The following SAGE1 variants were observed in gnomAD, a reference collection of about 807,000 sequenced individuals.
SAGE1 encodes sarcoma antigen 1, also known as cancer/testis antigen 14.
A neutral mutation model predicts 55.4 loss-of-function variants in SAGE1; 55 were observed. The observed-to-expected ratio is 0.99, with a 90% confidence interval of 0.80 to 1.24. The LOEUF is 1.24. Among genes scored for constraint, SAGE1 ranks in the 50% most tolerant of loss-of-function variants. The pLI is 0.00. For synonymous variants in SAGE1, 240 were observed against 244.3 expected, an observed-to-expected ratio of 0.98 and a Z score of 0.17; for missense variants, 710 against 704.4, an observed-to-expected ratio of 1.01 and a Z score of -0.09.
chrX:135,907,626 G>T, intron 9 of SAGE1, 75 bp from the exon 10 acceptor site: 1 of 1,091,643 alleles, frequency 9.2e-7, no homozygotes, highest in Non-Finnish European at 1.2e-6. Context: ...TAGACCCTGA[G>T]CATCAGAGGG....
chrX:135,912,091 A>C, intron 18 of SAGE1, 138 bp downstream of exon 18: 2 of 1,104,125 alleles, frequency 1.8e-6, no homozygotes, highest in East Asian at 6.5e-5. Context: ...GCTTTACTTT[A>C]ATTTCACTGA....
chrX:135,898,262 G>A (rs781939566), intron 2 of SAGE1, among the ~76,000 whole-genome samples: 5 of 110,794 alleles, frequency 4.5e-5, no homozygotes, highest in Admixed American at 9.5e-5. Context: ...CTCGTGATCC[G>A]CCCGCCTTGG....
At position 135,896,296 on chromosome X, in the gene SAGE1, T is replaced by C. The variant is rs782523936; in HGVS notation, c.54T>C (p.His18=). Residue 18 remains histidine, a synonymous_variant, in exon 2 of 20, where the codon CAT becomes CAC. Transcript: ENST00000370709. The part of the protein sequence containing the change: ...TSQPTPPEEL[H]AAAYVFTNDG... ...AACCAACTCCACCTGAAGAACTTCA[T>C]GCTGCTGCCTATGTGTTTACAAATG... 3.2e-5 allele frequency: 39 copies of C among 1,205,864 alleles called. No individual in the cohort carries two copies. The highest frequency in any genetic ancestry group is 2.7e-4 in the Middle Eastern group (1 of 3,709).
intron 3 of SAGE1, among the ~76,000 whole-genome samples, chrX:135,903,731 G>A (rs1440212320): frequency 8.9e-6 from 1 of 111,789 alleles, no homozygotes; most frequent in African/African-American, 3.3e-5. Context: ...TGCACAGCAT[G>A]GCATTTATAG....
rs143493028 is a variant in SAGE1 at position 135,899,747 on chromosome X, T to C, written c.88-1812T>C. ...CATATTCCTAGGTAATTTATTCTTT[T>C]TGTAGGAATTGTTAATGGGAGTTCA... On this transcript the variant is annotated intron_variant, in intron 2 of 19. Transcript: ENST00000370709. 1.3e-4 allele frequency among the ~76,000 whole-genome samples: 14 copies of C among 110,521 alleles called. No homozygotes were observed. The East Asian group carries it at 4.0e-3, about 31-fold the overall frequency.
intron 3 of SAGE1, 118 bp downstream of exon 3, chrX:135,901,809 G>A: frequency 1.4e-6 from 1 of 706,799 alleles, no homozygotes; most frequent in Non-Finnish European, 2.1e-6. Context: ...TTCTAATTAG[G>A]TGCAACAATT....
chrX:135,909,345 A>G (rs1281260889), intron 13 of SAGE1, among the ~76,000 whole-genome samples: 1 of 112,221 alleles, frequency 8.9e-6, no homozygotes, highest in Non-Finnish European at 1.9e-5. Flanking sequence ...AGCAGGGCTT[A>G]TGAATGTCAC....
chrX:135,900,735 G>A (rs1458622690), intron 2 of SAGE1, among the ~76,000 whole-genome samples: 3 of 93,890 alleles, frequency 3.2e-5, no homozygotes, highest in Non-Finnish European at 4.2e-5. Flanking sequence ...TCAACATATC[G>A]GAATCTCCAT....
At position 135,893,750 on chromosome X, in the gene SAGE1, C is replaced by T. The variant is rs143981037; in HGVS notation, c.-32C>T. On this transcript the variant is annotated 5_prime_UTR_variant, in exon 1 of 20. Transcript: ENST00000370709. ...TGCACAGCGGGCAGAGGCAGAGGAA[C>T]ACAGAACCTTCTCACACAGCGGGAT... Among the ~76,000 whole-genome samples the T allele has an allele frequency of 4.2e-3, 471 of 112,242 alleles. 3 individuals are homozygous for T. The highest frequency in any genetic ancestry group is 7.0e-3 in the Non-Finnish European group (370 of 53,190).
At chrX:135,910,927 A>G (rs2088887110) in intron 16 of SAGE1, among the ~76,000 whole-genome samples, 1 of 112,185 alleles carries the variant, frequency 8.9e-6, no homozygotes, top group Non-Finnish European at 1.9e-5. Context: ...CATCCCAGCC[A>G]TGAGTACCAG....
chrX:135,904,341 G>A (rs1765921962), intron 3 of SAGE1, 136 bp from the exon 4 acceptor site: 1 of 474,340 alleles, frequency 2.1e-6, no homozygotes, highest in African/African-American at 2.4e-5. Flanking sequence ...TCAATTTTAG[G>A]GTTCTCAGAT....
intron 16 of SAGE1, 115 bp downstream of exon 16, chrX:135,910,670 T>C: frequency 1.5e-6 from 1 of 666,428 alleles, no homozygotes; most frequent in Non-Finnish European, 2.3e-6. Flanking sequence ...GTTTGAGGGG[T>C]ATCATATGTC....
intron 8 of SAGE1, 55 bp from the exon 9 acceptor site, chrX:135,907,258 G>A: frequency 1.7e-6 from 2 of 1,162,306 alleles, no homozygotes; most frequent in South Asian, 2.0e-5. Flanking sequence ...GGGTATACCT[G>A]TGGGGCTGAC....
chrX:135,896,362 G>T (rs782264640), intron 2 of SAGE1, 33 bp downstream of exon 2: 1 of 937,635 alleles, frequency 1.1e-6, no homozygotes, highest in Non-Finnish European at 1.5e-6. Flanking sequence ...TGCCCTAATT[G>T]TGACATTCTT....
At chrX:135,912,491 G>A in intron 19 of SAGE1, 77 bp downstream of exon 19, 7 of 1,185,394 alleles carry the variant, frequency 5.9e-6, no homozygotes, top group African/African-American at 1.8e-5. Flanking sequence ...AAAAATCATG[G>A]TTTGTTCCTC....
chrX:135,907,539 A>T lies in SAGE1; in HGVS notation c.1018+86A>T, dbSNP rs1463250775. On this transcript the variant is annotated intron_variant, in intron 9 of 19. Coordinates refer to ENST00000370709, the MANE Select transcript of SAGE1 (RefSeq NM_001381902.1). ...AAAGGGAAGGAGGTTGTTTTATTGG[A>T]TTCTCTTTCATGAGCTCAATCTGAG... The T allele has an allele frequency of 7.4e-5, 74 of 1,005,955 alleles. 1 individual carries two copies. The African/African-American group carries it at 1.2e-3, about 17-fold the overall frequency. 82.9% of individuals were successfully genotyped at this position (1,005,955 alleles called of 1,213,427 possible).
rs142913424 is a variant in SAGE1 at position 135,911,682 on chromosome X, G to A, written c.2250G>A (p.Met750Ile). 1 of 1,208,986 alleles carries A rather than the reference G, an allele frequency of 8.3e-7. No homozygotes were observed. The highest frequency in any genetic ancestry group is 1.1e-6 in the Non-Finnish European group (1 of 892,982). The change falls in exon 18 of 20, where the codon ATG (methionine) becomes ATA (isoleucine). Residue 750 changes from methionine (M) to isoleucine (I), a missense_variant. Transcript: ENST00000370709. Reference protein sequence around the residue: ...SNSDSPELINMTGHCMPPNAL... With the variant: ...SNSDSPELINITGHCMPPNAL... ...CTGATTCACCAGAGCTGATAAATAT[G>A]ACAGGACATTGTATGCCACCCAATG...
At chrX:135,895,258 G>A (rs1377971491) in intron 1 of SAGE1, among the ~76,000 whole-genome samples, 1 of 111,871 alleles carries the variant, frequency 8.9e-6, no homozygotes, top group African/African-American at 3.2e-5. Flanking sequence ...GCTTACTGCT[G>A]TGAGTTCAGC....
rs782250801 is a variant in SAGE1 at position 135,906,495 on chromosome X, C to T, written c.680C>T (p.Pro227Leu). 9 of 1,208,935 alleles carry T rather than the reference C, an allele frequency of 7.4e-6. No individual in the cohort carries two copies. The highest frequency in any genetic ancestry group is 8.9e-6 in the Non-Finnish European group (8 of 893,943). Residue 227 changes from proline (P) to leucine (L), a missense_variant, in exon 7 of 20, where the codon CCA becomes CTA. Coordinates refer to ENST00000370709, the MANE Select transcript of SAGE1 (RefSeq NM_001381902.1). ...APDNVLLTLR[P>L]RRINMTDTGI... ...GATAACGTGTTGTTGACTCTTCGAC[C>T]ACGGCGTATTAATATGACAGACACT...
Sources: gnomAD v4.1 joint callset for allele counts (sites outside exome capture counted in the v4.1 genomes callset) on GRCh38, gnomAD v4.1.1 for gene constraint, MANE v1.5 for transcripts, NCBI Gene and HGNC (gene_info 2026-07-23, HGNC 2026-07-21) for gene names.